The following LRRC8D variants were observed in gnomAD, a reference collection of about 807,000 sequenced individuals.
The protein encoded by LRRC8D is volume-regulated anion channel subunit LRRC8D.
Under a neutral mutation model 55.8 loss-of-function variants are expected in LRRC8D, and 20 were observed. That is an observed-to-expected ratio of 0.36 (90% CI 0.25 to 0.52). The LOEUF is 0.52. Among genes scored for constraint, LRRC8D ranks in the 20% least tolerant of loss-of-function variants. The pLI is 0.93. For synonymous variants in LRRC8D, 352 were observed against 377.0 expected, an observed-to-expected ratio of 0.93 and a Z score of 0.77; for missense variants, 651 against 1,030.8, an observed-to-expected ratio of 0.63 and a Z score of 5.05.
chr1:89,857,240 G>A (rs988254938), intron 2 of LRRC8D, among the ~76,000 whole-genome samples: 8 of 151,870 alleles, frequency 5.3e-5, no homozygotes, highest in East Asian at 1.9e-4. Context: ...AAAATTAGCC[G>A]GGTGTGGTGG....
At chr1:89,879,797 C>A (rs1401778796) in intron 2 of LRRC8D, among the ~76,000 whole-genome samples, 2 of 152,120 alleles carry the variant, frequency 1.3e-5, no homozygotes, top group African/African-American at 4.8e-5. Flanking sequence ...CTGTACCCAT[C>A]ACAGTGTGCT....
intron 2 of LRRC8D, among the ~76,000 whole-genome samples, chr1:89,893,178 A>G (rs541417303): frequency 8.5e-5 from 13 of 152,334 alleles, no homozygotes; most frequent in South Asian, 4.1e-4. Flanking sequence ...AAAGGCCTCA[A>G]TGAAGAGGTG....
At chr1:89,896,491 A>G (rs1662716896) in intron 2 of LRRC8D, among the ~76,000 whole-genome samples, 1 of 152,170 alleles carries the variant, frequency 6.6e-6, no homozygotes, top group Admixed American at 6.5e-5. Context: ...AGTAGCTGAG[A>G]AATACACACA....
At chr1:89,870,608 G>A (rs1370151306) in intron 2 of LRRC8D, among the ~76,000 whole-genome samples, 1 of 152,060 alleles carries the variant, frequency 6.6e-6, no homozygotes, top group African/African-American at 2.4e-5. Flanking sequence ...TTTCTCTTAA[G>A]TTGGTGCATT....
intron 2 of LRRC8D, among the ~76,000 whole-genome samples, chr1:89,903,486 A>G (rs998830902): frequency 3.9e-5 from 6 of 152,346 alleles, no homozygotes; most frequent in Non-Finnish European, 7.3e-5. Context: ...GGTACACAGT[A>G]TCACATTGCC....
chr1:89,821,477 C>G (rs973522667), intron 1 of LRRC8D, among the ~76,000 whole-genome samples, 186 bp downstream of exon 1: 1 of 152,148 alleles, frequency 6.6e-6, no homozygotes, highest in African/African-American at 2.4e-5. Context: ...GGAGTGGGCT[C>G]CCGTTTGCTG....
At chr1:89,869,768 A>G (rs1477641301) in intron 2 of LRRC8D, among the ~76,000 whole-genome samples, 2 of 152,158 alleles carry the variant, frequency 1.3e-5, no homozygotes, top group Admixed American at 6.5e-5. Flanking sequence ...CTCGGCAGAA[A>G]CCCTACAAGC....
intron 2 of LRRC8D, among the ~76,000 whole-genome samples, chr1:89,876,684 TCTG>T (rs1356278216): frequency 6.6e-6 from 1 of 152,222 alleles, no homozygotes; most frequent in African/African-American, 2.4e-5. Flanking sequence ...GCTGCCTGTT[TCTG>T]CAATAAAGTT....
chr1:89,875,020 C>T (rs1453104299), intron 2 of LRRC8D, among the ~76,000 whole-genome samples: 2 of 152,094 alleles, frequency 1.3e-5, no homozygotes, highest in African/African-American at 2.4e-5. Context: ...ACTTCTCTTA[C>T]CTGTTGTCTC....
intron 2 of LRRC8D, among the ~76,000 whole-genome samples, chr1:89,878,921 C>G (rs768452753): frequency 6.7e-6 from 1 of 149,726 alleles, no homozygotes; most frequent in Middle Eastern, 3.4e-3. Flanking sequence ...GAGCTGAGGT[C>G]GCACCACTGC....
intron 2 of LRRC8D, among the ~76,000 whole-genome samples, chr1:89,914,085 ATGGT>A (rs1663195661): frequency 6.6e-6 from 1 of 152,252 alleles, no homozygotes; most frequent in Non-Finnish European, 1.5e-5. Flanking sequence ...ACATCCTACC[ATGGT>A]AAAAGGTCAG....
At chr1:89,881,370 C>G (rs1335735595) in intron 2 of LRRC8D, among the ~76,000 whole-genome samples, 1 of 152,078 alleles carries the variant, frequency 6.6e-6, no homozygotes, top group African/African-American at 2.4e-5. Flanking sequence ...AAATAGTCAT[C>G]TAAAAAACGA....
intron 2 of LRRC8D, among the ~76,000 whole-genome samples, chr1:89,864,607 C>T (rs965783410): frequency 9.2e-5 from 14 of 152,118 alleles, no homozygotes; most frequent in African/African-American, 3.4e-4. Flanking sequence ...GCTGCAGCTG[C>T]CTCTGAACTC....
At chr1:89,883,076 C>A (rs1662324102) in intron 2 of LRRC8D, among the ~76,000 whole-genome samples, 1 of 152,204 alleles carries the variant, frequency 6.6e-6, no homozygotes, top group African/African-American at 2.4e-5. Context: ...TGCTTGTAGT[C>A]CTGGCTACTG....
intron 2 of LRRC8D, among the ~76,000 whole-genome samples, chr1:89,904,322 C>T (rs574106687): frequency 9.7e-4 from 147 of 152,320 alleles, no homozygotes; most frequent in African/African-American, 3.4e-3. Flanking sequence ...CCTTCAGGCT[C>T]TTTTTGGAGT....
At chr1:89,829,760 T>C (rs534060752) in intron 1 of LRRC8D, among the ~76,000 whole-genome samples, 91 of 152,348 alleles carry the variant, frequency 6.0e-4, no homozygotes, top group African/African-American at 2.2e-3. Flanking sequence ...ATGAGCCTGT[T>C]GGTAAAACTA....
At chr1:89,826,513 A>G (rs112436399) in intron 1 of LRRC8D, among the ~76,000 whole-genome samples, 352 of 152,168 alleles carry the variant, frequency 2.3e-3, no homozygotes, top group Non-Finnish European at 3.5e-3. Context: ...CGGCCTCCCA[A>G]AGTGCTGGGA....
chr1:89,891,316 A>G (rs750024851), intron 2 of LRRC8D, among the ~76,000 whole-genome samples: 6 of 152,214 alleles, frequency 3.9e-5, no homozygotes, highest in Non-Finnish European at 8.8e-5. Context: ...AGAGTACCAC[A>G]TAAGTTATGT....
chr1:89,863,684 T>G (rs759860084), intron 2 of LRRC8D, among the ~76,000 whole-genome samples: 1 of 152,210 alleles, frequency 6.6e-6, no homozygotes, highest in Non-Finnish European at 1.5e-5. Flanking sequence ...TGTTTTCTTG[T>G]GCTTTGGTGT....
Sources: allele counts gnomAD v4.1 joint callset (sites outside exome capture counted in the v4.1 genomes callset), GRCh38; gene constraint gnomAD v4.1.1; transcripts MANE v1.5; gene names NCBI Gene and HGNC (gene_info 2026-07-23, HGNC 2026-07-21).